CATSPERG: variants seen among roughly 807,000 people sequenced by gnomAD.
CATSPERG encodes the protein catsper channel auxiliary subunit gamma.
In CATSPERG, 115 loss-of-function variants were observed where a neutral mutation model predicts 145.0. The observed-to-expected ratio is 0.79, with a 90% confidence interval of 0.68 to 0.93. The LOEUF (loss-of-function observed/expected upper bound fraction) is 0.93, where lower values mean the gene tolerates loss of function less well. CATSPERG is among the 40% of genes least tolerant of loss of function. The pLI is 0.00. For missense variants in CATSPERG, 1,296 were observed against 1,490.1 expected (o/e 0.87, Z 2.14); for synonymous variants, 588 against 589.0 (o/e 1.00, Z 0.02).
chr19:38,335,966 G>A (rs1969826397), intron 1 of CATSPERG, 91 bp downstream of exon 1: 7 of 285,666 alleles, frequency 2.5e-5, no homozygotes, highest in South Asian at 1.8e-4. Flanking sequence ...GGAAGGGGAA[G>A]GCGAGAAGGG....
chr19:38,359,480 GA>G lies in CATSPERG; in HGVS notation c.1511del (p.Asn504ThrfsTer59). On this transcript the variant is annotated frameshift_variant, in exon 14 of 29. Coordinates refer to ENST00000409235, the MANE Select transcript of CATSPERG (RefSeq NM_021185.5). LOFTEE classifies it high-confidence loss of function. ...TCTCTGTCCCTGCAGCTCTAACAAG[GA>G]AAACTTCATCTACCTGGCAGACTTC... ...GNFLLQSSNK[E>X]NFIYLADFPK... is the part of the protein sequence containing the mutation. 6.2e-7 allele frequency: 1 copy of G among 1,612,930 alleles called. No homozygotes were observed. Among genetic ancestry groups the G allele is most frequent in the Non-Finnish European group, 8.5e-7 (1 of 1,179,026 alleles).
intron 14 of CATSPERG, 113 bp from the exon 15 acceptor site, chr19:38,360,376 G>T: frequency 1.3e-6 from 2 of 1,513,226 alleles, no homozygotes; most frequent in Non-Finnish European, 1.8e-6. Flanking sequence ...GTGGAGGTGA[G>T]TTTCCAAACT....
intron 16 of CATSPERG, among the ~76,000 whole-genome samples, chr19:38,361,246 G>A: frequency 6.6e-6 from 1 of 152,094 alleles, no homozygotes. Context: ...CTAAGGGAAA[G>A]GACTGCAGGA....
chr19:38,344,901 A>ATAT lies in CATSPERG; in HGVS notation c.669+534_669+535insATT, dbSNP rs1468159196. Among the ~76,000 whole-genome samples the ATAT allele has an allele frequency of 3.2e-4, 26 of 80,018 alleles. 1 individual carries two copies. The highest frequency in any genetic ancestry group is 9.3e-4 in the South Asian group (2 of 2,154). The allele number at this position is 80,018 out of a possible 152,430, so 52.5% of individuals were successfully genotyped here. A position where few individuals can be genotyped will look rare whatever the true frequency, so the allele number is the denominator to read the frequency against. The stretch of plus-strand genomic sequence containing the variant: ...CACACACATATATATATATATATAT[A>ATAT]TTTTTTTTTTTTTTTTTTTTTTTGA... On this transcript the variant is annotated intron_variant, in intron 6 of 28. Coordinates refer to ENST00000409235, the MANE Select transcript of CATSPERG (RefSeq NM_021185.5).
rs763998821 is a variant in CATSPERG at position 38,354,671 on chromosome 19, C to T, written c.998-39C>T. The stretch of plus-strand genomic sequence containing the variant: ...GGGCAGGGGGCAGAGGCCCCAGATC[C>T]AACCACCTGGGTCTGAGGCCCCATA... On this transcript the variant is annotated intron_variant, in intron 8 of 28. Transcript: ENST00000409235. 3 of 1,607,458 alleles carry T rather than the reference C, an allele frequency of 1.9e-6. No individual in the cohort carries two copies. The Admixed American group carries it at 5.1e-5, about 27-fold the overall frequency.
In CATSPERG at chr19:38,370,170, C is replaced by T. The variant is rs138393521; in HGVS notation, c.3125C>T (p.Thr1042Met). 61 of 1,613,766 alleles carry T rather than the reference C, an allele frequency of 3.8e-5. No homozygotes were observed. In the East Asian group the frequency reaches 6.5e-4, roughly 17 times the overall value. Residue 1042 changes from threonine (T) to methionine (M), a missense_variant, in exon 28 of 29, where the codon ACG becomes ATG. Coordinates refer to ENST00000409235, the MANE Select transcript of CATSPERG (RefSeq NM_021185.5). ...CCCAACCCCTGCAGAGGAGTGGACA[C>T]GAGCACCTACTGCAACTACCAGCTC... The part of the protein sequence containing the change: ...KVLVSNRGVD[T>M]STYCNYQLTF...
At chr19:38,347,940 CAAAAAA>C (rs887808428) in intron 7 of CATSPERG, among the ~76,000 whole-genome samples, 1 of 102,564 alleles carries the variant, frequency 9.8e-6, no homozygotes, top group African/African-American at 3.6e-5. Flanking sequence ...GACTCTGTCT[CAAAAAA>C]AAAAAAAAAA....
At chr19:38,340,124 G>A (rs1327704438) in intron 3 of CATSPERG, among the ~76,000 whole-genome samples, 1 of 152,000 alleles carries the variant, frequency 6.6e-6, no homozygotes, top group Non-Finnish European at 1.5e-5. Flanking sequence ...AAAGTGCTGG[G>A]ACTACAGGCG....
chr19:38,343,663 C>A lies in CATSPERG; in HGVS notation c.408C>A (p.Phe136Leu). The A allele has an allele frequency of 6.4e-7, 1 of 1,551,532 alleles. No homozygotes were observed. The highest frequency in any genetic ancestry group is 8.7e-7 in the Non-Finnish European group (1 of 1,146,960). Residue 136 changes from phenylalanine (F) to leucine (L), a missense_variant, in exon 4 of 29, where the codon TTC becomes TTA. Phe to Leu is a conservative substitution (Grantham distance 22). Coordinates refer to ENST00000409235, the MANE Select transcript of CATSPERG (RefSeq NM_021185.5). ...TCACCTTCCAGTCCCCAGTCAACTT[C>A]TACCGCTGGAAGATAGAGCAGCTGC... Reference protein sequence around the residue: ...VLVTFQSPVNFYRWKIEQLQI... With the variant: ...VLVTFQSPVNLYRWKIEQLQI...
intron 8 of CATSPERG, among the ~76,000 whole-genome samples, chr19:38,352,844 C>T (rs1414841195): frequency 1.3e-5 from 2 of 151,042 alleles, no homozygotes; most frequent in African/African-American, 4.9e-5. Context: ...AACAGATGGG[C>T]AAAGCCTCAA....
chr19:38,344,880 C>CATAT (rs1568372883), intron 6 of CATSPERG, among the ~76,000 whole-genome samples: 1 of 73,560 alleles, frequency 1.4e-5, no homozygotes, highest in East Asian at 7.4e-4. Flanking sequence ...CACACACACA[C>CATAT]ACATATATAT....
chr19:38,362,404 G>A lies in CATSPERG; in HGVS notation c.2186G>A (p.Trp729Ter). Reference sequence around the variant, plus strand: ...TACTACTTCTTCTTGGCGAGCAATTGGCGAAGCGCGGGCGGCGTGTCCATA... The same window carrying A: ...TACTACTTCTTCTTGGCGAGCAATTAGCGAAGCGCGGGCGGCGTGTCCATA... ...QDYYFFLASN[W>*]RSAGGVSIEM... The change falls in exon 19 of 29, where the codon TGG (tryptophan) becomes TAG (stop). Residue 729 changes from tryptophan to a stop codon, truncating the protein, a stop_gained. Coordinates refer to ENST00000409235, the MANE Select transcript of CATSPERG (RefSeq NM_021185.5). LOFTEE classifies it high-confidence loss of function. 1 of 1,614,174 alleles carries A rather than the reference G, an allele frequency of 6.2e-7. No individual in the cohort carries two copies. The highest frequency in any genetic ancestry group is 1.3e-5 in the African/African-American group (1 of 75,058).
chr19:38,343,681 G>A lies in CATSPERG; in HGVS notation c.426G>A (p.Glu142=), dbSNP rs1191706385. The change falls in exon 4 of 29, where the codon GAG becomes GAA. Residue 142 remains glutamate, a synonymous_variant. Coordinates refer to ENST00000409235, the MANE Select transcript of CATSPERG (RefSeq NM_021185.5). ...SPVNFYRWKI[E]QLQIQMEAAP... is the part of the protein sequence containing the mutation. ...TCAACTTCTACCGCTGGAAGATAGA[G>A]CAGCTGCAGATCCAGATGGAGGCTG... The A allele has an allele frequency of 6.4e-7, 1 of 1,551,406 alleles. No individual in the cohort carries two copies. The highest frequency in any genetic ancestry group is 2.0e-5 in the Admixed American group (1 of 51,002).
chr19:38,357,352 TAAAAAA>T (rs71165536), intron 11 of CATSPERG, among the ~76,000 whole-genome samples: 1 of 115,456 alleles, frequency 8.7e-6, no homozygotes, highest in Non-Finnish European at 1.8e-5. Context: ...CTCTACAAAT[TAAAAAA>T]AAAAAAAAAA....
intron 16 of CATSPERG, 135 bp downstream of exon 16, chr19:38,360,978 C>T: frequency 1.4e-6 from 1 of 731,110 alleles, no homozygotes; most frequent in Non-Finnish European, 2.3e-6. Context: ...GAGTTCAGCA[C>T]TTATGGAAGC....
At chr19:38,353,945 C>A (rs1215812824) in intron 8 of CATSPERG, among the ~76,000 whole-genome samples, 2 of 133,270 alleles carry the variant, frequency 1.5e-5, no homozygotes, top group South Asian at 2.5e-4. Context: ...GAGCCAAGAT[C>A]GTGCCACTGC....
At position 38,361,695 on chromosome 19, in the gene CATSPERG, T is replaced by G; in HGVS notation, c.1928T>G (p.Met643Arg). The change falls in exon 17 of 29, where the codon ATG (methionine) becomes AGG (arginine). Residue 643 changes from methionine (M) to arginine (R), a missense_variant. By Grantham distance (91) the Met-to-Arg change is moderately conservative. Transcript: ENST00000409235. Reference sequence around the variant, plus strand: ...ATCGACTTCTGCCCCTTCTCGGTGATGCGCCTGCGGAGCCTGCCCAGTCCG... The same window carrying G: ...ATCGACTTCTGCCCCTTCTCGGTGAGGCGCCTGCGGAGCCTGCCCAGTCCG... ...SFIDFCPFSV[M>R]RLRSLPSPQR... 6.2e-7 allele frequency: 1 copy of G among 1,612,274 alleles called. No individual in the cohort carries two copies. The highest frequency in any genetic ancestry group is 8.5e-7 in the Non-Finnish European group (1 of 1,179,892).
At chr19:38,346,632 C>CGGGGCGTCTTGGA in intron 7 of CATSPERG, 27 bp downstream of exon 7, 1 of 1,530,962 alleles carries the variant, frequency 6.5e-7, no homozygotes, top group Non-Finnish European at 8.8e-7. Context: ...AGATGGTGGG[C>CGGGGCGTCTTGGA]GGGGCGTCTT....
intron 7 of CATSPERG, among the ~76,000 whole-genome samples, chr19:38,347,239 G>T (rs1405193735): frequency 2.6e-5 from 4 of 152,102 alleles, no homozygotes; most frequent in Admixed American, 2.0e-4. Flanking sequence ...AAAACTGGGC[G>T]TGGTAGTGGG....
Sources: gnomAD v4.1 joint callset for allele counts (sites outside exome capture counted in the v4.1 genomes callset) on GRCh38, gnomAD v4.1.1 for gene constraint, MANE v1.5 for transcripts, NCBI Gene and HGNC (gene_info 2026-07-23, HGNC 2026-07-21) for gene names.